Variants in PLPPR1 observed in about 807,000 individuals in gnomAD.
PLPPR1 encodes phospholipid phosphatase-related protein type 1.
Under a neutral mutation model 33.1 loss-of-function variants are expected in PLPPR1, and 10 were observed. The observed-to-expected ratio is 0.30, with a 90% CI of 0.19 to 0.51. The LOEUF is 0.51. Ranked by LOEUF, PLPPR1 falls within the 20% of genes least tolerant of loss-of-function variation. PLPPR1 has a pLI of 0.97. For synonymous variants in PLPPR1, 151 were observed against 151.0 expected (o/e 1.00, Z 0.00); for missense variants, 304 against 408.1 (o/e 0.74, Z 2.20).
intron 2 of PLPPR1, among the ~76,000 whole-genome samples, chr9:101,210,797 T>C (rs1353779402): frequency 6.6e-6 from 1 of 152,220 alleles, no homozygotes; most frequent in Non-Finnish European, 1.5e-5. Context: ...AGACGGAGTC[T>C]CGCTCTGTCG....
At position 101,214,688 on chromosome 9, in the gene PLPPR1, T is replaced by G. The variant is rs1337672860; in HGVS notation, c.63+29131T>G. Among the ~76,000 whole-genome samples, 4 of 152,086 alleles carry G rather than the reference T, an allele frequency of 2.6e-5. No individual in the cohort carries two copies. In the South Asian group the frequency reaches 8.3e-4, roughly 32 times the overall value. ...TCTCAAAACTAAACAAAAATAAACA[T>G]TGGAAAGAATCAACAAACTATATTA... On this transcript the variant is annotated intron_variant, in intron 2 of 7. Coordinates refer to ENST00000374874, the MANE Select transcript of PLPPR1 (RefSeq NM_207299.2).
chr9:101,048,293 G>T (rs185278926), intron 1 of PLPPR1, among the ~76,000 whole-genome samples: 2 of 152,154 alleles, frequency 1.3e-5, no homozygotes, highest in East Asian at 3.9e-4. Context: ...AATGACAACC[G>T]AGTTTATAAT....
At chr9:101,030,530 C>T (rs1829932887) in intron 1 of PLPPR1, among the ~76,000 whole-genome samples, 1 of 151,770 alleles carries the variant, frequency 6.6e-6, no homozygotes. Context: ...GAAAGTGCCT[C>T]GTGTGAAAGT....
chr9:101,212,445 G>A (rs1342236334), intron 2 of PLPPR1, among the ~76,000 whole-genome samples: 1 of 152,098 alleles, frequency 6.6e-6, no homozygotes, highest in Non-Finnish European at 1.5e-5. Context: ...CCTAAAATCT[G>A]ATAGTAGTAA....
intron 1 of PLPPR1, among the ~76,000 whole-genome samples, chr9:101,040,630 A>G (rs1362316472): frequency 6.6e-6 from 1 of 152,138 alleles, no homozygotes; most frequent in African/African-American, 2.4e-5. Context: ...CCACCACCAC[A>G]TCTGCTCAAG....
chr9:101,273,001 T>C (rs1828127133), intron 3 of PLPPR1, among the ~76,000 whole-genome samples: 1 of 152,240 alleles, frequency 6.6e-6, no homozygotes, highest in African/African-American at 2.4e-5. Context: ...AGGAACTAGC[T>C]AAATACACAA....
chr9:101,056,321 C>A (rs1830277687), intron 1 of PLPPR1, among the ~76,000 whole-genome samples: 1 of 152,150 alleles, frequency 6.6e-6, no homozygotes, highest in Non-Finnish European at 1.5e-5. Context: ...GACATTCACC[C>A]AACTAGTAAG....
At chr9:101,107,636 A>G (rs1400360418) in intron 1 of PLPPR1, among the ~76,000 whole-genome samples, 1 of 83,722 alleles carries the variant, frequency 1.2e-5, no homozygotes, top group Non-Finnish European at 2.3e-5. Flanking sequence ...GGTGGAGCCT[A>G]CAGAGGCAGG....
intron 1 of PLPPR1, among the ~76,000 whole-genome samples, chr9:101,164,267 T>C (rs1825816455): frequency 6.6e-6 from 1 of 152,204 alleles, no homozygotes; most frequent in South Asian, 2.1e-4. Context: ...ATGTTTCTCA[T>C]CTATAAAATG....
chr9:101,086,682 G>A (rs774349582), intron 1 of PLPPR1, among the ~76,000 whole-genome samples: 1 of 152,186 alleles, frequency 6.6e-6, no homozygotes, highest in Non-Finnish European at 1.5e-5. Flanking sequence ...GAACAGAAGT[G>A]TGTAGATAAC....
chr9:101,075,826 A>C (rs1830528055), intron 1 of PLPPR1, among the ~76,000 whole-genome samples: 1 of 106,414 alleles, frequency 9.4e-6, no homozygotes, highest in South Asian at 2.9e-4. Flanking sequence ...GTGTAGATGG[A>C]GAGTGGTTGG....
At chr9:101,304,086 G>T (rs1164809779) in intron 4 of PLPPR1, among the ~76,000 whole-genome samples, 1 of 149,420 alleles carries the variant, frequency 6.7e-6, no homozygotes, top group African/African-American at 2.5e-5. Flanking sequence ...TGTGAATTAT[G>T]ATTTACAGTT....
intron 2 of PLPPR1, among the ~76,000 whole-genome samples, chr9:101,205,280 G>A (rs1826567577): frequency 6.6e-6 from 1 of 152,142 alleles, no homozygotes; most frequent in African/African-American, 2.4e-5. Context: ...CGGTTGATTA[G>A]AAATTTAAAT....
intron 3 of PLPPR1, among the ~76,000 whole-genome samples, chr9:101,275,269 C>A (rs1396304205): frequency 2.0e-5 from 3 of 152,232 alleles, no homozygotes; most frequent in Non-Finnish European, 4.4e-5. Context: ...CCCTGCACTG[C>A]TGCGCGTCTG....
At chr9:101,065,105 A>G (rs1830395111) in intron 1 of PLPPR1, among the ~76,000 whole-genome samples, 1 of 152,078 alleles carries the variant, frequency 6.6e-6, no homozygotes, top group Non-Finnish European at 1.5e-5. Flanking sequence ...AAACTGTCAT[A>G]TCAACCAGGA....
Position 101,309,474 on chromosome 9 carries a change from G to A in PLPPR1, c.636+13G>A, listed in dbSNP as rs1163228469. ...CTTATATGCCACGGTGAGTGTGCAA[G>A]TCTTGTCTCTCCTAAGTCCAGTTTT... On this transcript the variant is annotated intron_variant, in intron 5 of 7. Transcript: ENST00000374874. 6.2e-7 allele frequency: 1 copy of A among 1,612,016 alleles called. No individual in the cohort carries two copies. Among genetic ancestry groups the A allele is most frequent in the Admixed American group, 1.7e-5 (1 of 59,984 alleles).
Position 101,324,106 on chromosome 9 carries a change from A to G in PLPPR1, c.*49A>G, listed in dbSNP as rs777920022. On this transcript the variant is annotated 3_prime_UTR_variant, in exon 8 of 8. Coordinates refer to ENST00000374874, the MANE Select transcript of PLPPR1 (RefSeq NM_207299.2). ...TTTTTTAAAATCATCTTCCAATTCT[A>G]TACTTCAAAACACACAGTTGCTCAA... The G allele has an allele frequency of 4.0e-6, 6 of 1,515,528 alleles. No homozygotes were observed. In the South Asian group the frequency reaches 4.5e-5, roughly 11 times the overall value. The allele number at this position is 1,515,528 out of a possible 1,614,324, so 93.9% of individuals were successfully genotyped here. A position where few individuals can be genotyped will look rare whatever the true frequency, so the allele number is the denominator to read the frequency against.
At chr9:101,208,175 G>A (rs1405059109) in intron 2 of PLPPR1, among the ~76,000 whole-genome samples, 2 of 152,222 alleles carry the variant, frequency 1.3e-5, no homozygotes, top group African/African-American at 4.8e-5. Context: ...TAGGCTGTGA[G>A]ATTTCAATTT....
chr9:101,269,114 C>T (rs1828048841), intron 2 of PLPPR1, among the ~76,000 whole-genome samples: 1 of 152,110 alleles, frequency 6.6e-6, no homozygotes, highest in African/African-American at 2.4e-5. Flanking sequence ...CCCTCAGTTC[C>T]ACATACCTGC....
Sources: allele counts gnomAD v4.1 joint callset (sites outside exome capture counted in the v4.1 genomes callset), GRCh38; gene constraint gnomAD v4.1.1; transcripts MANE v1.5; gene names NCBI Gene and HGNC (gene_info 2026-07-23, HGNC 2026-07-21).